CBR3: variants seen among roughly 807,000 people sequenced by gnomAD.
The protein encoded by CBR3 is carbonyl reductase 3, also known as carbonyl reductase [NADPH] 3.
In CBR3, 14 loss-of-function variants were observed where a neutral mutation model predicts 11.6. The observed-to-expected ratio is 1.20, with a 90% confidence interval of 0.79 to 1.88. CBR3 has a LOEUF of 1.88. Among genes scored for constraint, CBR3 ranks in the 40% most tolerant of loss-of-function variants. The pLI is 0.00. For synonymous variants in CBR3, 125 were observed against 145.6 expected (o/e 0.86, Z 1.02); for missense variants, 308 against 357.3 (o/e 0.86, Z 1.11).
chr21:36,144,501 C>T (rs574413878), intron 2 of CBR3, among the ~76,000 whole-genome samples: 1 of 147,836 alleles, frequency 6.8e-6, no homozygotes, highest in African/African-American at 2.5e-5. Context: ...GTGGCTCACG[C>T]CTGTAATTCC....
intron 2 of CBR3, chr21:36,138,153 G>T: frequency 2.1e-6 from 1 of 469,282 alleles, no homozygotes; most frequent in Non-Finnish European, 3.8e-6. Flanking sequence ...GTTTGGCAGT[G>T]GGGTGGGTGG....
chr21:36,143,299 C>T (rs1258128274), intron 2 of CBR3, among the ~76,000 whole-genome samples: 4 of 150,204 alleles, frequency 2.7e-5, no homozygotes, highest in Non-Finnish European at 5.9e-5. Context: ...CAAGACTCAT[C>T]TCAAAGAAAA....
At chr21:36,135,505 G>A (rs748907392) in intron 1 of CBR3, 24 bp downstream of exon 1, 1 of 1,571,092 alleles carries the variant, frequency 6.4e-7, no homozygotes, top group Non-Finnish European at 8.7e-7. Context: ...TTGGGTTGGG[G>A]CCCCCTGGAG....
intron 1 of CBR3, 98 bp downstream of exon 1, chr21:36,135,579 AG>A: frequency 1.6e-6 from 2 of 1,215,926 alleles, no homozygotes; most frequent in Admixed American, 3.0e-5. Context: ...GTGACCGAGG[AG>A]GGTGGCGCCG....
chr21:36,145,928 T>C lies in CBR3; in HGVS notation c.398-148T>C, dbSNP rs905112789. 42 of 625,550 alleles carry C rather than the reference T, an allele frequency of 6.7e-5. No individual in the cohort carries two copies. In the Admixed American group the frequency reaches 1.4e-3, roughly 21 times the overall value. The allele number at this position is 625,550 out of a possible 1,614,324, so 38.7% of individuals were successfully genotyped here. ...GTGGGCCGAGATGGCACCAGTGCAC[T>C]CTAGCCTGGGCAACAGGGCGAGACT... On this transcript the variant is annotated intron_variant, in intron 2 of 2. Coordinates refer to ENST00000290354, the MANE Select transcript of CBR3 (RefSeq NM_001236.4).
chr21:36,143,209 G>T (rs543972849), intron 2 of CBR3, among the ~76,000 whole-genome samples: 1 of 152,028 alleles, frequency 6.6e-6, no homozygotes, highest in African/African-American at 2.4e-5. Flanking sequence ...GGAGGCTGAG[G>T]CAGGAGAATC....
chr21:36,142,440 A>AAAAAAAAAAAAAAAC (rs1296041023), intron 2 of CBR3, among the ~76,000 whole-genome samples: 2 of 141,330 alleles, frequency 1.4e-5, no homozygotes, highest in Non-Finnish European at 3.0e-5. Context: ...TCAAAAAAAA[A>AAAAAAAAAAAAAAAC]AAAAAAAACG....
chr21:36,146,315 G>A lies in CBR3; in HGVS notation c.637G>A (p.Asp213Asn), dbSNP rs755251391. ...ATCGAGGATCCTGGCCAGGCGTCTG[G>A]ATGAGAAGAGGAAAGCTGACAGGAT... ...VLSRILARRLDEKRKADRILV... is the reference protein window; with the variant it reads ...VLSRILARRLNEKRKADRILV... The change falls in exon 3 of 3, where the codon GAT becomes AAT. Residue 213 changes from aspartate (D) to asparagine (N), a missense_variant. Physicochemically the swap from Asp to Asn is conservative, Grantham distance 23. Coordinates refer to ENST00000290354, the MANE Select transcript of CBR3 (RefSeq NM_001236.4). 1 of 1,614,192 alleles carries A rather than the reference G, an allele frequency of 6.2e-7. No individual in the cohort carries two copies. Among genetic ancestry groups the A allele is most frequent in the East Asian group, 2.2e-5 (1 of 44,890 alleles).
In CBR3 at chr21:36,142,944, C is replaced by G. The variant is rs546924931; in HGVS notation, c.398-3132C>G. 2.0e-5 allele frequency among the ~76,000 whole-genome samples: 3 copies of G among 152,116 alleles called. No individual in the cohort carries two copies. In the South Asian group the frequency reaches 6.2e-4, roughly 32 times the overall value. On this transcript the variant is annotated intron_variant, in intron 2 of 2. Coordinates refer to ENST00000290354, the MANE Select transcript of CBR3 (RefSeq NM_001236.4). ...AGGGTATCTCTTGTGGGATTGGGGT[C>G]CACAAGAATGTGCAGCTCCCTTGCA...
At chr21:36,141,147 A>C (rs2065705560) in intron 2 of CBR3, among the ~76,000 whole-genome samples, 1 of 151,780 alleles carries the variant, frequency 6.6e-6, no homozygotes, top group Admixed American at 6.6e-5. Context: ...GGCATGTTCC[A>C]GCTTCTCGAG....
chr21:36,145,541 C>T (rs1465291284), intron 2 of CBR3, among the ~76,000 whole-genome samples: 4 of 152,092 alleles, frequency 2.6e-5, no homozygotes, highest in East Asian at 3.9e-4. Context: ...AGTTTTGCCA[C>T]GTTGCCCAGG....
At chr21:36,144,175 CTGG>C (rs1400403571) in intron 2 of CBR3, among the ~76,000 whole-genome samples, 1 of 151,814 alleles carries the variant, frequency 6.6e-6, no homozygotes, top group Non-Finnish European at 1.5e-5. Flanking sequence ...TGCCAGCGGG[CTGG>C]GCACACGGTG....
chr21:36,146,552 G>T lies in CBR3; in HGVS notation c.*40G>T. The T allele has an allele frequency of 7.0e-7, 1 of 1,430,218 alleles. No individual in the cohort carries two copies. The highest frequency in any genetic ancestry group is 1.3e-5 in the South Asian group (1 of 75,708). 88.6% of individuals were successfully genotyped at this position (1,430,218 alleles called of 1,614,324 possible). A position where few individuals can be genotyped will look rare whatever the true frequency, so the allele number is the denominator to read the frequency against. On this transcript the variant is annotated 3_prime_UTR_variant, in exon 3 of 3. Transcript: ENST00000290354. ...GCTTGCTGCTTAATAAATGTTGGTG[G>T]AATGAATGAATGAATTGATGCTGTG...
intron 1 of CBR3, among the ~76,000 whole-genome samples, chr21:36,136,493 G>T (rs538911955): frequency 6.6e-6 from 1 of 152,114 alleles, no homozygotes; most frequent in South Asian, 2.1e-4. Flanking sequence ...TGACCCGCAC[G>T]GGCAACTCAG....
intron 1 of CBR3, among the ~76,000 whole-genome samples, chr21:36,136,935 C>T (rs2065663996): frequency 6.9e-6 from 1 of 145,538 alleles, no homozygotes; most frequent in Admixed American, 7.2e-5. Flanking sequence ...GGCTCAGGCA[C>T]AAGAACCGCT....
At chr21:36,138,713 A>G (rs935269680) in intron 2 of CBR3, 3 of 151,592 alleles carry the variant, frequency 2.0e-5, no homozygotes, top group Non-Finnish European at 4.4e-5. Flanking sequence ...AGAAAACCCA[A>G]AAGAAATTTT....
Position 36,135,447 on chromosome 21 carries a change from C to T in CBR3, c.255C>T (p.Asn85=), listed in dbSNP as rs881711. The change falls in exon 1 of 3, where the codon AAC becomes AAT. Residue 85 remains asparagine (N), a synonymous_variant. Coordinates refer to ENST00000290354, the MANE Select transcript of CBR3 (RefSeq NM_001236.4). ...DFLRKEYGGL[N]VLVNNAAVAF... is the part of the protein sequence containing the mutation. ...TGCGCAAGGAGTACGGGGGGCTCAACGTACTGGTCAACAACGCGGCCGTCG... is the reference window on the plus strand; with the variant it reads ...TGCGCAAGGAGTACGGGGGGCTCAATGTACTGGTCAACAACGCGGCCGTCG... 0.87 allele frequency: 1,396,247 copies of T among 1,612,980 alleles called. 605,490 individuals carry two copies. The highest frequency in any genetic ancestry group is 0.88 in the Non-Finnish European group (1,041,282 of 1,179,498).
rs2065650259 is a variant in CBR3 at position 36,135,394 on chromosome 21, C to CA, written c.203dup (p.Ser69GlufsTer30). On this transcript the variant is annotated frameshift_variant, in exon 1 of 3. Coordinates refer to ENST00000290354, the MANE Select transcript of CBR3 (RefSeq NM_001236.4). LOFTEE classifies it high-confidence loss of function. ...CCACCAACTGGACATCGACGACTTG[C>CA]AGAGCATCCGCGCCCTGCGCGACTT... 6.2e-7 allele frequency: 1 copy of CA among 1,613,372 alleles called. No homozygotes were observed. Among genetic ancestry groups the CA allele is most frequent in the African/African-American group, 1.3e-5 (1 of 74,932 alleles).
intron 2 of CBR3, among the ~76,000 whole-genome samples, chr21:36,145,296 C>T (rs953125704): frequency 3.9e-5 from 6 of 152,004 alleles, no homozygotes; most frequent in African/African-American, 1.4e-4. Flanking sequence ...AGATTTTATG[C>T]CTTCTATAGT....
Sources: allele counts gnomAD v4.1 joint callset (sites outside exome capture counted in the v4.1 genomes callset), GRCh38; gene constraint gnomAD v4.1.1; transcripts MANE v1.5; gene names NCBI Gene and HGNC (gene_info 2026-07-23, HGNC 2026-07-21).